The following THSD7B variants were observed in gnomAD, a reference collection of about 807,000 sequenced individuals.
THSD7B encodes the protein thrombospondin type 1 domain containing 7B.
Under a neutral mutation model 213.6 loss-of-function variants are expected in THSD7B, and 138 were observed. That is an observed-to-expected ratio of 0.65 (90% CI 0.56 to 0.74). The LOEUF (loss-of-function observed/expected upper bound fraction) is 0.74, where lower values mean the gene tolerates loss of function less well. Ranked by LOEUF, THSD7B falls within the 30% of genes least tolerant of loss-of-function variation. THSD7B has a pLI of 0.00. For missense variants in THSD7B, 1,931 were observed against 1,991.5 expected (o/e 0.97, Z 0.58); for synonymous variants, 742 against 687.0 (o/e 1.08, Z -1.25).
At chr2:137,574,228 A>G (rs1400602977) in intron 17 of THSD7B, among the ~76,000 whole-genome samples, 1 of 152,092 alleles carries the variant, frequency 6.6e-6, no homozygotes, top group East Asian at 1.9e-4. Flanking sequence ...GTTTTACACA[A>G]AGTTGTGAAG....
intron 12 of THSD7B, among the ~76,000 whole-genome samples, chr2:137,319,167 G>GT (rs1288642614): frequency 2.0e-5 from 3 of 150,390 alleles, no homozygotes; most frequent in East Asian, 3.9e-4. Context: ...ATAACTTGTG[G>GT]TTTTTTGAAG....
chr2:137,107,864 T>A (rs548289485), intron 4 of THSD7B, among the ~76,000 whole-genome samples: 1 of 152,324 alleles, frequency 6.6e-6, no homozygotes, highest in East Asian at 1.9e-4. Context: ...TAATCAATAG[T>A]CCCACTTTAT....
chr2:137,033,148 A>G (rs1686706909), intron 2 of THSD7B, among the ~76,000 whole-genome samples: 1 of 152,136 alleles, frequency 6.6e-6, no homozygotes, highest in African/African-American at 2.4e-5. Flanking sequence ...GGCCCTAAAA[A>G]TATTATTGTA....
chr2:137,674,226 C>T (rs909365336), intron 27 of THSD7B, among the ~76,000 whole-genome samples: 1 of 152,118 alleles, frequency 6.6e-6, no homozygotes, highest in Admixed American at 6.6e-5. Flanking sequence ...TAGCAAATGC[C>T]CATTAAAGGT....
intron 1 of THSD7B, among the ~76,000 whole-genome samples, chr2:136,804,403 A>ACAC (rs374612113): frequency 4.7e-5 from 7 of 148,094 alleles, no homozygotes; most frequent in South Asian, 2.2e-4. Flanking sequence ...ACACACACAT[A>ACAC]ACACACACAC....
chr2:137,313,584 G>C (rs1573954440), intron 12 of THSD7B, among the ~76,000 whole-genome samples: 1 of 151,170 alleles, frequency 6.6e-6, no homozygotes, highest in Non-Finnish European at 1.5e-5. Context: ...ATTAGTTGAT[G>C]CAGTTTCTTC....
At chr2:137,328,484 A>AT (rs1337964417) in intron 12 of THSD7B, among the ~76,000 whole-genome samples, 4 of 151,998 alleles carry the variant, frequency 2.6e-5, no homozygotes, top group South Asian at 2.1e-4. Flanking sequence ...CTACAAAAAC[A>AT]TTTTTTTTCT....
intron 15 of THSD7B, among the ~76,000 whole-genome samples, chr2:137,557,399 C>A (rs1445376162): frequency 2.0e-5 from 3 of 152,054 alleles, no homozygotes; most frequent in African/African-American, 7.2e-5. Context: ...CACTTAAAAC[C>A]ACTCAACTAC....
chr2:136,935,981 T>A (rs985767543), intron 2 of THSD7B, among the ~76,000 whole-genome samples: 11 of 148,080 alleles, frequency 7.4e-5, no homozygotes, highest in African/African-American at 2.7e-4. Flanking sequence ...ATATTATCTA[T>A]ATATTTTAAA....
intron 1 of THSD7B, among the ~76,000 whole-genome samples, chr2:136,857,309 G>T (rs1263895509): frequency 6.6e-6 from 1 of 152,152 alleles, no homozygotes; most frequent in Non-Finnish European, 1.5e-5. Flanking sequence ...GGCCACCCTG[G>T]ACTCAGGCTT....
Position 137,284,280 on chromosome 2 carries a change from T to TC in THSD7B, c.2500+8255dup, listed in dbSNP as rs553463715. Among the ~76,000 whole-genome samples the TC allele has an allele frequency of 2.6e-4, 40 of 152,266 alleles. No homozygotes were observed. The South Asian group carries it at 7.1e-3, about 27-fold the overall frequency. On this transcript the variant is annotated intron_variant, in intron 12 of 27. Coordinates refer to ENST00000409968, the MANE Select transcript of THSD7B (RefSeq NM_001316349.2). ...TCATTTTTTATTGCATCTATTTGAT[T>TC]CTTCTCTCTTTTCTTCTCTATTAGT...
At chr2:137,356,729 G>T (rs931690997) in intron 12 of THSD7B, among the ~76,000 whole-genome samples, 2 of 152,260 alleles carry the variant, frequency 1.3e-5, no homozygotes, top group East Asian at 1.9e-4. Context: ...AGCTTCTCCA[G>T]TGACAGCTCA....
At chr2:137,593,327 T>A (rs1681900610) in intron 17 of THSD7B, among the ~76,000 whole-genome samples, 1 of 151,930 alleles carries the variant, frequency 6.6e-6, no homozygotes, top group Non-Finnish European at 1.5e-5. Context: ...GTATATTAAT[T>A]ATTAGAAATT....
At chr2:137,086,339 C>T (rs990022769) in intron 3 of THSD7B, among the ~76,000 whole-genome samples, 5 of 151,808 alleles carry the variant, frequency 3.3e-5, no homozygotes, top group Non-Finnish European at 7.4e-5. Context: ...CCCACCACCC[C>T]CACCACCAAA....
At chr2:137,629,142 T>C (rs1682692458) in intron 20 of THSD7B, among the ~76,000 whole-genome samples, 2 of 152,226 alleles carry the variant, frequency 1.3e-5, no homozygotes, top group Middle Eastern at 3.4e-3. Flanking sequence ...AAAAAGAAAG[T>C]TGAAAGGGGA....
intron 14 of THSD7B, among the ~76,000 whole-genome samples, chr2:137,439,985 G>A (rs940266600): frequency 1.3e-5 from 2 of 152,050 alleles, no homozygotes; most frequent in Non-Finnish European, 2.9e-5. Flanking sequence ...GAGTTCTTTG[G>A]AGGAGCTAGG....
intron 5 of THSD7B, among the ~76,000 whole-genome samples, chr2:137,127,531 A>G (rs534500958): frequency 3.3e-5 from 5 of 152,356 alleles, no homozygotes; most frequent in African/African-American, 1.2e-4. Flanking sequence ...GATGAGTGGA[A>G]TTCTAATTCT....
intron 1 of THSD7B, among the ~76,000 whole-genome samples, chr2:136,860,154 T>C (rs958908388): frequency 1.3e-4 from 20 of 151,274 alleles, no homozygotes; most frequent in African/African-American, 4.9e-4. Flanking sequence ...AGTAGCTGAA[T>C]TCATGATTTT....
intron 15 of THSD7B, among the ~76,000 whole-genome samples, chr2:137,542,886 G>A (rs1346778552): frequency 6.6e-6 from 1 of 151,688 alleles, no homozygotes; most frequent in Non-Finnish European, 1.5e-5. Flanking sequence ...TTTGGCAATG[G>A]TGCTGTTATT....
Sources: gnomAD v4.1 joint callset for allele counts (sites outside exome capture counted in the v4.1 genomes callset) on GRCh38, gnomAD v4.1.1 for gene constraint, MANE v1.5 for transcripts, NCBI Gene and HGNC (gene_info 2026-07-23, HGNC 2026-07-21) for gene names.